Variants in PIK3C3 observed in about 807,000 individuals in gnomAD.
PIK3C3 encodes the protein phosphatidylinositol 3-kinase catalytic subunit type 3.
A neutral mutation model predicts 126.1 loss-of-function variants in PIK3C3; 95 were observed. That is an observed-to-expected ratio of 0.75 (90% confidence interval 0.64 to 0.89). The LOEUF (loss-of-function observed/expected upper bound fraction) is 0.89, where lower values mean the gene tolerates loss of function less well. Among genes scored for constraint, PIK3C3 ranks in the 40% least tolerant of loss-of-function variants. The pLI is 0.00. For missense variants in PIK3C3, 829 were observed against 1,063.2 expected (o/e 0.78, Z 3.06); for synonymous variants, 374 against 360.0 (o/e 1.04, Z -0.44).
At chr18:41,963,278 A>G (rs1345467078) in intron 3 of PIK3C3, among the ~76,000 whole-genome samples, 1 of 152,226 alleles carries the variant, frequency 6.6e-6, no homozygotes, top group Non-Finnish European at 1.5e-5. Context: ...GGAAAGACAG[A>G]TAAATATTTT....
chr18:41,967,813 T>C lies in PIK3C3; in HGVS notation c.402-2514T>C, dbSNP rs565729229. ...AGTTGTTTTTTCTAAATGTGAATCC[T>C]GGAAGTCAAGGCAGTTGGTGCTGTA... On this transcript the variant is annotated intron_variant, in intron 3 of 24. Transcript: ENST00000262039. Among the ~76,000 whole-genome samples, 8 of 152,326 alleles carry C rather than the reference T, an allele frequency of 5.3e-5. No individual in the cohort carries two copies. The South Asian group carries it at 1.4e-3, about 28-fold the overall frequency.
chr18:41,995,427 A>G (rs1268732823), intron 7 of PIK3C3, among the ~76,000 whole-genome samples: 2 of 152,206 alleles, frequency 1.3e-5, no homozygotes, highest in Non-Finnish European at 2.9e-5. Context: ...AAATAGCACC[A>G]GATGTGTATA....
intron 21 of PIK3C3, among the ~76,000 whole-genome samples, chr18:42,056,438 A>T (rs993057897): frequency 1.2e-4 from 19 of 152,152 alleles, no homozygotes; most frequent in African/African-American, 4.6e-4. Context: ...TTCGTATTAA[A>T]AGCATGGAGC....
At chr18:42,022,624 C>A (rs1436763708) in intron 13 of PIK3C3, among the ~76,000 whole-genome samples, 1 of 151,972 alleles carries the variant, frequency 6.6e-6, no homozygotes, top group Non-Finnish European at 1.5e-5. Context: ...CCTTTGGAAC[C>A]TGTGTTTATT....
chr18:42,069,263 A>G (rs767676631), intron 24 of PIK3C3, among the ~76,000 whole-genome samples: 3 of 152,222 alleles, frequency 2.0e-5, no homozygotes, highest in Non-Finnish European at 4.4e-5. Context: ...TTGTGATTCA[A>G]ATAGTATGTG....
intron 24 of PIK3C3, among the ~76,000 whole-genome samples, chr18:42,078,540 G>T (rs1241983956): frequency 6.6e-6 from 1 of 151,954 alleles, no homozygotes; most frequent in African/African-American, 2.4e-5. Context: ...AATGAACATT[G>T]ACATCAACTA....
intron 2 of PIK3C3, among the ~76,000 whole-genome samples, chr18:41,960,792 G>T (rs1287380035): frequency 1.3e-5 from 2 of 151,560 alleles, no homozygotes; most frequent in African/African-American, 4.9e-5. Flanking sequence ...CGCCAGGCTG[G>T]AGTGCAGTGG....
At chr18:42,063,435 A>G (rs1244269405) in intron 22 of PIK3C3, among the ~76,000 whole-genome samples, 1 of 152,216 alleles carries the variant, frequency 6.6e-6, no homozygotes. Flanking sequence ...TGTGGTATGC[A>G]TTTATCAATT....
At chr18:42,007,731 T>C (rs1345700229) in intron 10 of PIK3C3, among the ~76,000 whole-genome samples, 1 of 152,212 alleles carries the variant, frequency 6.6e-6, no homozygotes, top group Non-Finnish European at 1.5e-5. Flanking sequence ...CTCTAATAGA[T>C]GTTAGGTTGC....
At chr18:41,967,767 C>T (rs1980444748) in intron 3 of PIK3C3, among the ~76,000 whole-genome samples, 2 of 152,190 alleles carry the variant, frequency 1.3e-5, no homozygotes, top group Admixed American at 6.5e-5. Flanking sequence ...GAACCACATG[C>T]AAGCTGTAGA....
Position 41,967,145 on chromosome 18 carries a change from T to C in PIK3C3, c.402-3182T>C, listed in dbSNP as rs555201788. On this transcript the variant is annotated intron_variant, in intron 3 of 24. Coordinates refer to ENST00000262039, the MANE Select transcript of PIK3C3 (RefSeq NM_002647.4). Reference sequence around the variant, plus strand: ...TAGTCCTAAGCAGCTACAGGTCTTCTTGTGCAGCTTTGGATTGTGAAAGAT... The same window carrying C: ...TAGTCCTAAGCAGCTACAGGTCTTCCTGTGCAGCTTTGGATTGTGAAAGAT... Among the ~76,000 whole-genome samples the C allele has an allele frequency of 1.3e-5, 2 of 152,348 alleles. 1 individual carries two copies. Among genetic ancestry groups the C allele is most frequent in the South Asian group, 4.1e-4 (2 of 4,834 alleles).
At chr18:42,054,970 A>G (rs754457023) in intron 21 of PIK3C3, among the ~76,000 whole-genome samples, 1 of 151,886 alleles carries the variant, frequency 6.6e-6, no homozygotes, top group Non-Finnish European at 1.5e-5. Context: ...TTGGACTCAT[A>G]CTATTAGAGA....
rs1024520159 is a variant in PIK3C3, at chr18:42,020,800, G to T, written c.1484+95G>T. 2.7e-5 allele frequency: 19 copies of T among 701,200 alleles called. No homozygotes were observed. In the African/African-American group the frequency reaches 3.3e-4, roughly 12 times the overall value. The allele number at this position is 701,200 out of a possible 1,614,324, so 43.4% of individuals were successfully genotyped here. A position where few individuals can be genotyped will look rare whatever the true frequency, so the allele number is the denominator to read the frequency against. ...ACAAAGATGATTTAAAATAAGATAT[G>T]AGCAATCATCAAAAGTCTAGATATA... On this transcript the variant is annotated intron_variant, in intron 13 of 24. Transcript: ENST00000262039.
chr18:41,977,427 G>A (rs1044599094), intron 4 of PIK3C3, among the ~76,000 whole-genome samples: 22 of 151,976 alleles, frequency 1.4e-4, no homozygotes, highest in African/African-American at 4.6e-4. Context: ...TACAAGAGAC[G>A]TACAACAGAT....
chr18:42,004,428 G>A lies in PIK3C3; in HGVS notation c.1057G>A (p.Gly353Arg), dbSNP rs753837601. 2.2e-5 allele frequency: 36 copies of A among 1,613,798 alleles called. No individual in the cohort carries two copies. The highest frequency in any genetic ancestry group is 3.0e-5 in the Non-Finnish European group (35 of 1,179,870). The change falls in exon 10 of 25, where the codon GGA (glycine) becomes AGA (arginine). Residue 353 changes from glycine (G) to arginine (R), a missense_variant. This residue lies in a region of PIK3C3 where 64 missense variants were observed against 118.7 expected (regional missense o/e 0.54). Coordinates refer to ENST00000262039, the MANE Select transcript of PIK3C3 (RefSeq NM_002647.4). ...GGCCAAACAGGCCTTGGAACTTCTG[G>A]GAAAATGGAAGCCGATGGATGTAGA... ...QEAKQALELL[G>R]KWKPMDVEDS...
At chr18:41,979,089 A>ATC (rs1423708853) in intron 4 of PIK3C3, among the ~76,000 whole-genome samples, 2 of 141,678 alleles carry the variant, frequency 1.4e-5, no homozygotes, top group Non-Finnish European at 3.1e-5. Context: ...AAAAAAAAAG[A>ATC]GTTCACATAG....
chr18:42,043,869 C>A, intron 20 of PIK3C3, 52 bp downstream of exon 20: 1 of 1,147,474 alleles, frequency 8.7e-7, no homozygotes, highest in Non-Finnish European at 1.3e-6. Context: ...AAGAGCAGGC[C>A]ATCCTGATAT....
At chr18:42,007,849 AT>A (rs1363869680) in intron 10 of PIK3C3, among the ~76,000 whole-genome samples, 4 of 152,198 alleles carry the variant, frequency 2.6e-5, no homozygotes, top group African/African-American at 7.2e-5. Context: ...GTAGTTCAAT[AT>A]TCATCTTTGT....
intron 22 of PIK3C3, among the ~76,000 whole-genome samples, chr18:42,060,323 A>G (rs540019230): frequency 6.4e-4 from 97 of 152,328 alleles, no homozygotes; most frequent in Admixed American, 7.8e-4. Context: ...TTAGTTATAA[A>G]TGGTTACAAA....
Sources: allele counts gnomAD v4.1 joint callset (sites outside exome capture counted in the v4.1 genomes callset), GRCh38; gene constraint gnomAD v4.1.1; regional missense constraint gnomAD v4.1.1; transcripts MANE v1.5; gene names NCBI Gene and HGNC (gene_info 2026-07-23, HGNC 2026-07-21).